Variants in IFI6 observed in about 807,000 individuals in gnomAD.
IFI6 encodes the protein interferon alpha inducible protein 6.
Under a neutral mutation model 12.7 loss-of-function variants are expected in IFI6, and 10 were observed. The ratio of observed to expected loss-of-function variants is 0.79; its 90% CI spans 0.49 to 1.33. The LOEUF is 1.33. IFI6 is among the 40% of genes most tolerant of loss of function. The probability of loss-of-function intolerance (pLI) is 0.00; values close to 1 mark genes in which losing one functional copy is unlikely to be tolerated. For missense variants in IFI6, 154 were observed against 180.4 expected (o/e 0.85, Z 0.84); for synonymous variants, 89 against 86.2 (o/e 1.03, Z -0.18).
At position 27,668,497 on chromosome 1, in the gene IFI6, C is replaced by T; in HGVS notation, c.109G>A (p.Gly37Arg). The change falls in exon 3 of 5, where the codon GGG (glycine) becomes AGG (arginine). Residue 37 changes from glycine to arginine, a missense_variant. Physicochemically the swap from Gly to Arg is moderately radical, Grantham distance 125. Coordinates refer to ENST00000361157, the MANE Select transcript of IFI6 (RefSeq NM_002038.4). ...ATGAAGGTCAGGGCCTTCCAGAACC[C>T]GGAGCCGCTGTCCGAGCTCTCCGAG... ...KCSESSDSGS[G>R]FWKALTFMAV... 2.5e-6 allele frequency: 4 copies of T among 1,611,146 alleles called. No homozygotes were observed. The highest frequency in any genetic ancestry group is 3.4e-6 in the Non-Finnish European group (4 of 1,178,766).
chr1:27,669,321 G>A lies in IFI6; in HGVS notation c.-7C>T. The A allele has an allele frequency of 6.4e-7, 1 of 1,552,570 alleles. No homozygotes were observed. The highest frequency in any genetic ancestry group is 8.7e-7 in the Non-Finnish European group (1 of 1,147,344). The stretch of plus-strand genomic sequence containing the variant: ...ATACCGCCTTCTGCCGCATGGTGGC[G>A]CCGCGCGCGGGCTCCGTCACTAGAC... On this transcript the variant is annotated 5_prime_UTR_variant, in exon 2 of 5. Transcript: ENST00000361157.
At position 27,669,299 on chromosome 1, in the gene IFI6, C is replaced by T; in HGVS notation, c.16G>A (p.Val6Ile). Residue 6 changes from valine to isoleucine, a missense_variant, in exon 2 of 5, where the codon GTA becomes ATA. Val to Ile is a conservative substitution (Grantham distance 29). Transcript: ENST00000361157. ...AGCAGGTAGCACAAGAAAAGCGATA[C>T]CGCCTTCTGCCGCATGGTGGCGCCG... is the stretch of plus-strand genomic sequence containing the variant. MRQKAVSLFLCYLLLF... is the reference protein window; with the variant it reads MRQKAISLFLCYLLLF... 1.3e-6 allele frequency: 2 copies of T among 1,552,686 alleles called. No individual in the cohort carries two copies. Among genetic ancestry groups the T allele is most frequent in the Non-Finnish European group, 1.7e-6 (2 of 1,147,404 alleles).
rs566144798 is a variant in IFI6, at chr1:27,669,393, T to C, written c.-32-47A>G. Reference sequence around the variant, plus strand: ...ATGGTCCCCGGAGCATTTTTGGAGCTCATCAGCTCCGTTGTTTTCCCTTCC... The same window carrying C: ...ATGGTCCCCGGAGCATTTTTGGAGCCCATCAGCTCCGTTGTTTTCCCTTCC... On this transcript the variant is annotated intron_variant, in intron 1 of 4. Coordinates refer to ENST00000361157, the MANE Select transcript of IFI6 (RefSeq NM_002038.4). The C allele has an allele frequency of 7.6e-5, 90 of 1,183,382 alleles. No homozygotes were observed. In the African/African-American group the frequency reaches 1.3e-3, roughly 17 times the overall value. The allele number at this position is 1,183,382 out of a possible 1,614,324, so 73.3% of individuals were successfully genotyped here.
chr1:27,669,447 G>A (rs1282132944), intron 1 of IFI6, 101 bp from the exon 2 acceptor site: 4 of 717,802 alleles, frequency 5.6e-6, no homozygotes, highest in Non-Finnish European at 7.2e-6. Context: ...AAAAAGCAGC[G>A]AGGTGTGGTG....
rs1330683624 is a variant in IFI6, at chr1:27,672,177, A to C, written c.-87T>G. On this transcript the variant is annotated 5_prime_UTR_variant, in exon 1 of 5. Transcript: ENST00000361157. ...GCCCGGAGCCTGCTGATAGATGGGC[A>C]CAGCAGCGAGTAAACGGTTCTCCGG... 1 of 152,288 alleles carries C rather than the reference A, an allele frequency of 6.6e-6. No individual in the cohort carries two copies. Among genetic ancestry groups the C allele is most frequent in the African/African-American group, 2.4e-5 (1 of 41,470 alleles). The allele number at this position is 152,288 out of a possible 1,614,324, so 9.4% of individuals were successfully genotyped here.
intron 4 of IFI6, among the ~76,000 whole-genome samples, chr1:27,667,183 T>G (rs146954050): frequency 0.031 from 4,332 of 139,680 alleles, 232 homozygotes; most frequent in African/African-American, 0.11. Flanking sequence ...GTGGGAGGAT[T>G]GCTTGAGCCC....
chr1:27,671,441 C>T (rs543854118), intron 1 of IFI6, among the ~76,000 whole-genome samples: 7 of 142,936 alleles, frequency 4.9e-5, no homozygotes, highest in Admixed American at 1.5e-4. Flanking sequence ...AGTGCAGTGG[C>T]GCAATCTCAT....
rs761802116 is a variant in IFI6, at chr1:27,668,266, G to A, written c.258C>T (p.Gly86=). ...TGGCCACTAGCCCCCCGGCGGGCACGCCGCCCCCATTCAGGATCGCAGACC... is the reference window on the plus strand; with the variant it reads ...TGGCCACTAGCCCCCCGGCGGGCACACCGCCCCCATTCAGGATCGCAGACC... The part of the protein sequence containing the change: ...MSWSAILNGG[G]VPAGGLVATL... The change falls in exon 4 of 5, where the codon GGC becomes GGT. Residue 86 remains glycine, a synonymous_variant. Transcript: ENST00000361157. 3.5e-5 allele frequency: 56 copies of A among 1,578,204 alleles called. No homozygotes were observed. Among genetic ancestry groups the A allele is most frequent in the Non-Finnish European group, 4.4e-5 (51 of 1,167,308 alleles).
intron 2 of IFI6, 151 bp downstream of exon 2, chr1:27,669,070 TCCTTACCCGCATCCTTACCTGCAC>T: frequency 5.4e-6 from 1 of 184,534 alleles, no homozygotes; most frequent in African/African-American, 9.9e-5. Flanking sequence ...CTTACCTGCA[TCCTTACCCGCATCCTTACCTGCAC>T]CCTTACCTGC....
intron 4 of IFI6, 85 bp from the exon 5 acceptor site, chr1:27,666,560 A>G (rs908036152): frequency 2.2e-5 from 20 of 907,920 alleles, no homozygotes; most frequent in Admixed American, 7.9e-5. Context: ...GTTGAGTCCA[A>G]CCCCTTATGT....
At chr1:27,668,556 C>A in intron 2 of IFI6, 21 bp from the exon 3 acceptor site, 4 of 1,578,506 alleles carry the variant, frequency 2.5e-6, no homozygotes, top group Middle Eastern at 1.7e-4. Flanking sequence ...GCAGACAAAG[C>A]GTAGTGGGGG....
chr1:27,669,350 C>T lies in IFI6; in HGVS notation c.-32-4G>A. 2 of 1,536,002 alleles carry T rather than the reference C, an allele frequency of 1.3e-6. No individual in the cohort carries two copies. The highest frequency in any genetic ancestry group is 1.8e-6 in the Non-Finnish European group (2 of 1,132,974). ...CGCGCGGGCTCCGTCACTAGACCTGCGAACGGGCGAGAGGGAGATGGTCCC... is the reference window on the plus strand; with the variant it reads ...CGCGCGGGCTCCGTCACTAGACCTGTGAACGGGCGAGAGGGAGATGGTCCC... On this transcript the variant is annotated splice_region_variant and splice_polypyrimidine_tract_variant and intron_variant, in intron 1 of 4. Transcript: ENST00000361157.
intron 1 of IFI6, chr1:27,669,665 G>T: frequency 3.2e-6 from 1 of 309,188 alleles, no homozygotes; most frequent in Non-Finnish European, 6.3e-6. Flanking sequence ...AGGATACTAG[G>T]GTACTTTGCT....
chr1:27,671,725 A>C (rs1006330413), intron 1 of IFI6, among the ~76,000 whole-genome samples: 1 of 152,158 alleles, frequency 6.6e-6, no homozygotes, highest in Admixed American at 6.5e-5. Flanking sequence ...AGATGGCTTC[A>C]TCTATCCTTA....
chr1:27,669,450 G>T, intron 1 of IFI6, 104 bp from the exon 2 acceptor site: 2 of 716,198 alleles, frequency 2.8e-6, no homozygotes, highest in Non-Finnish European at 4.8e-6. Flanking sequence ...AAGCAGCGAG[G>T]TGTGGTGAAT....
Position 27,667,958 on chromosome 1 carries a change from C to T in IFI6, c.298+268G>A, listed in dbSNP as rs150554411. Among the ~76,000 whole-genome samples the T allele has an allele frequency of 5.3e-5, 8 of 152,338 alleles. No individual in the cohort carries two copies. In the East Asian group the frequency reaches 1.2e-3, roughly 22 times the overall value. Reference sequence around the variant, plus strand: ...TGGTGGCGTGTGCCTGTAATCCCAGCTACTTGGGAGGCTGTGGCAGGAAAA... The same window carrying T: ...TGGTGGCGTGTGCCTGTAATCCCAGTTACTTGGGAGGCTGTGGCAGGAAAA... On this transcript the variant is annotated intron_variant, in intron 4 of 4. Coordinates refer to ENST00000361157, the MANE Select transcript of IFI6 (RefSeq NM_002038.4).
At chr1:27,667,306 C>T (rs56908480) in intron 4 of IFI6, among the ~76,000 whole-genome samples, 2,849 of 144,498 alleles carry the variant, frequency 0.02, 84 homozygotes, top group African/African-American at 0.062. Flanking sequence ...GTCCCAGCTA[C>T]TTGGGAATCT....
chr1:27,668,152 C>T (rs1048728273), intron 4 of IFI6, 74 bp downstream of exon 4: 30 of 1,278,006 alleles, frequency 2.3e-5, no homozygotes, highest in South Asian at 3.3e-5. Flanking sequence ...TTCCTGAGTG[C>T]CTCAGTTTCC....
chr1:27,669,324 G>A lies in IFI6; in HGVS notation c.-10C>T, dbSNP rs2090386466. The A allele has an allele frequency of 5.8e-6, 9 of 1,552,338 alleles. No individual in the cohort carries two copies. The highest frequency in any genetic ancestry group is 1.4e-5 in the African/African-American group (1 of 73,138). On this transcript the variant is annotated 5_prime_UTR_variant, in exon 2 of 5. Coordinates refer to ENST00000361157, the MANE Select transcript of IFI6 (RefSeq NM_002038.4). ...CCGCCTTCTGCCGCATGGTGGCGCC[G>A]CGCGCGGGCTCCGTCACTAGACCTG...
Sources: allele counts gnomAD v4.1 joint callset (sites outside exome capture counted in the v4.1 genomes callset), GRCh38; gene constraint gnomAD v4.1.1; transcripts MANE v1.5; gene names NCBI Gene and HGNC (gene_info 2026-07-23, HGNC 2026-07-21).